Variants in SUGP1 observed in about 807,000 individuals in gnomAD.
The protein encoded by SUGP1 is SURP and G-patch domain-containing protein 1.
In SUGP1, 34 loss-of-function variants were observed where a neutral mutation model predicts 76.5. That is an observed-to-expected ratio of 0.44 (90% CI 0.34 to 0.59). SUGP1 has a LOEUF of 0.59. Ranked by LOEUF, SUGP1 falls within the 20% of genes least tolerant of loss-of-function variation. SUGP1 has a pLI of 0.01. For missense variants in SUGP1, 752 were observed against 851.7 expected (o/e 0.88, Z 1.46); for synonymous variants, 326 against 326.2 (o/e 1.00, Z 0.01).
rs927701956 is a variant in SUGP1, at chr19:19,316,723, CACTT to C, written c.35-134_35-131del. 30 of 1,040,844 alleles carry C rather than the reference CACTT, an allele frequency of 2.9e-5. No individual in the cohort carries two copies. The African/African-American group carries it at 3.7e-4, about 13-fold the overall frequency. The allele number at this position is 1,040,844 out of a possible 1,614,324, so 64.5% of individuals were successfully genotyped here. A position where few individuals can be genotyped will look rare whatever the true frequency, so the allele number is the denominator to read the frequency against. On this transcript the variant is annotated intron_variant, in intron 1 of 13. Transcript: ENST00000247001. ...TCTATTAGTTCATTTATTCAGCAAA[CACTT>C]ACAGAGTGCCTGCTGCATACCATAC...
intron 8 of SUGP1, among the ~76,000 whole-genome samples, chr19:19,283,826 C>T (rs2061119261): frequency 6.6e-6 from 1 of 152,192 alleles, no homozygotes; most frequent in African/African-American, 2.4e-5. Context: ...ACCTTGTGAT[C>T]TGCCCGCCTT....
At chr19:19,277,250 G>GT (rs1568615838) in intron 12 of SUGP1, among the ~76,000 whole-genome samples, 174 bp from the exon 13 acceptor site, 2 of 141,224 alleles carry the variant, frequency 1.4e-5, no homozygotes, top group Non-Finnish European at 3.1e-5. Context: ...CCCGGGGCGG[G>GT]CGGGGGGGGG....
intron 8 of SUGP1, chr19:19,281,480 C>A (rs987734855): frequency 1.3e-5 from 2 of 152,172 alleles, no homozygotes; most frequent in African/African-American, 4.8e-5. Context: ...TAGCTTTTCT[C>A]CTTGACCTAG....
chr19:19,320,403 G>C (rs1599879150), intron 1 of SUGP1, 60 bp downstream of exon 1: 1 of 1,581,756 alleles, frequency 6.3e-7, no homozygotes, highest in East Asian at 2.3e-5. Flanking sequence ...CGAGGAGTCA[G>C]GGGAGACACC....
intron 3 of SUGP1, 92 bp downstream of exon 3, chr19:19,310,005 A>T (rs1246880136): frequency 1.3e-5 from 11 of 877,874 alleles, no homozygotes; most frequent in Non-Finnish European, 1.5e-5. Context: ...GGTGAGCAGG[A>T]GTCTGAGGTG....
chr19:19,295,599 CCTT>C (rs1440079755), intron 8 of SUGP1, among the ~76,000 whole-genome samples: 2 of 126,374 alleles, frequency 1.6e-5, no homozygotes, highest in South Asian at 2.9e-4. Context: ...CAGTGAGACT[CCTT>C]CTCAAAAAAA....
chr19:19,308,151 C>A lies in SUGP1; in HGVS notation c.310+1946G>T, dbSNP rs150699804. Among the ~76,000 whole-genome samples the A allele has an allele frequency of 3.4e-3, 521 of 152,218 alleles. 1 individual carries two copies. The highest frequency in any genetic ancestry group is 5.3e-3 in the Non-Finnish European group (363 of 68,004). ...CCAAAAGTGATCCACCCATCTCAGC[C>A]CCCCCATTAGTTGGGGTTAAAGTTA... On this transcript the variant is annotated intron_variant, in intron 3 of 13. Coordinates refer to ENST00000247001, the MANE Select transcript of SUGP1 (RefSeq NM_172231.4).
rs996936365 is a variant in SUGP1 at position 19,308,155 on chromosome 19, C to A, written c.310+1942G>T. On this transcript the variant is annotated intron_variant, in intron 3 of 13. Transcript: ENST00000247001. ...AAGTGATCCACCCATCTCAGCCCCCCCATTAGTTGGGGTTAAAGTTATGCA... is the reference window on the plus strand; with the variant it reads ...AAGTGATCCACCCATCTCAGCCCCCACATTAGTTGGGGTTAAAGTTATGCA... Among the ~76,000 whole-genome samples, 10 of 152,232 alleles carry A rather than the reference C, an allele frequency of 6.6e-5. 1 individual carries two copies. Among genetic ancestry groups the A allele is most frequent in the Admixed American group, 5.9e-4 (9 of 15,286 alleles).
chr19:19,299,419 C>G (rs1448206385), intron 7 of SUGP1, among the ~76,000 whole-genome samples: 3 of 152,118 alleles, frequency 2.0e-5, no homozygotes, highest in Non-Finnish European at 2.9e-5. Context: ...GTCGCCCAGG[C>G]TGGAGTGCAG....
chr19:19,308,897 G>A (rs1043589173), intron 3 of SUGP1, among the ~76,000 whole-genome samples: 4 of 151,092 alleles, frequency 2.6e-5, no homozygotes, highest in Non-Finnish European at 4.4e-5. Context: ...ACGAAGTCTC[G>A]CTCTTGTCCC....
chr19:19,290,971 G>A lies in SUGP1; in HGVS notation c.1243+6018C>T, dbSNP rs146771950. On this transcript the variant is annotated intron_variant, in intron 8 of 13. Transcript: ENST00000247001. ...GTCTCTACTAAAAATACAAAAATTAGCTGGGCGTGGGGGCGCCCACCTGTA... is the reference window on the plus strand; with the variant it reads ...GTCTCTACTAAAAATACAAAAATTAACTGGGCGTGGGGGCGCCCACCTGTA... 2.0e-4 allele frequency among the ~76,000 whole-genome samples: 31 copies of A among 152,104 alleles called. 1 individual carries two copies. In the East Asian group the frequency reaches 4.7e-3, roughly 23 times the overall value.
intron 1 of SUGP1, 30 bp downstream of exon 1, chr19:19,320,433 G>A: frequency 1.2e-6 from 2 of 1,606,490 alleles, no homozygotes; most frequent in Non-Finnish European, 8.5e-7. Context: ...GGACCCAGGC[G>A]GCCGCCTGAG....
At chr19:19,279,645 G>C (rs534592513) in intron 9 of SUGP1, among the ~76,000 whole-genome samples, 229 of 152,352 alleles carry the variant, frequency 1.5e-3, no homozygotes, top group African/African-American at 5.4e-3. Context: ...GGAGGGTCAA[G>C]GGTGATGTGA....
chr19:19,310,962 G>A (rs2061348588), intron 2 of SUGP1, among the ~76,000 whole-genome samples: 2 of 152,082 alleles, frequency 1.3e-5, no homozygotes, highest in East Asian at 3.9e-4. Flanking sequence ...AAGAGACAGG[G>A]TCTTGCTCTG....
At chr19:19,312,974 C>T (rs1043153152) in intron 2 of SUGP1, among the ~76,000 whole-genome samples, 2 of 144,526 alleles carry the variant, frequency 1.4e-5, no homozygotes, top group African/African-American at 2.6e-5. Flanking sequence ...TGGGCAACAG[C>T]GCAAGACTCC....
chr19:19,279,480 C>T (rs2061080881), intron 9 of SUGP1, 90 bp from the exon 10 acceptor site: 4 of 1,422,564 alleles, frequency 2.8e-6, no homozygotes, highest in Non-Finnish European at 3.8e-6. Flanking sequence ...GCTGGGCATC[C>T]CCCGCCGGAA....
chr19:19,297,886 T>C (rs2061240979), intron 7 of SUGP1, among the ~76,000 whole-genome samples: 1 of 152,214 alleles, frequency 6.6e-6, no homozygotes, highest in African/African-American at 2.4e-5. Flanking sequence ...AGGTCTTCTC[T>C]GTCCCTACCC....
intron 2 of SUGP1, among the ~76,000 whole-genome samples, chr19:19,310,746 A>C (rs2061347487): frequency 6.6e-6 from 1 of 152,080 alleles, no homozygotes; most frequent in African/African-American, 2.4e-5. Flanking sequence ...CAGGCTCAAG[A>C]GATTGTCATG....
At chr19:19,286,491 A>G (rs2061141165) in intron 8 of SUGP1, among the ~76,000 whole-genome samples, 2 of 152,224 alleles carry the variant, frequency 1.3e-5, no homozygotes, top group Non-Finnish European at 2.9e-5. Flanking sequence ...CATGGGATTT[A>G]TAACAGAGTC....
Sources: allele counts gnomAD v4.1 joint callset (sites outside exome capture counted in the v4.1 genomes callset), GRCh38; gene constraint gnomAD v4.1.1; transcripts MANE v1.5; gene names NCBI Gene and HGNC (gene_info 2026-07-23, HGNC 2026-07-21).